RALGAPA2: variants seen among roughly 807,000 people sequenced by gnomAD.
RALGAPA2 encodes the protein ral GTPase-activating protein subunit alpha-2.
A neutral mutation model predicts 230.4 loss-of-function variants in RALGAPA2; 139 were observed. The observed-to-expected ratio is 0.60, with a 90% CI of 0.53 to 0.69. The LOEUF (loss-of-function observed/expected upper bound fraction) is 0.69, where lower values mean the gene tolerates loss of function less well. RALGAPA2 is among the 30% of genes least tolerant of loss of function. The probability of loss-of-function intolerance (pLI) is 0.00; values close to 1 mark genes in which losing one functional copy is unlikely to be tolerated. For synonymous variants in RALGAPA2, 847 were observed against 837.8 expected (o/e 1.01, Z -0.19); for missense variants, 2,163 against 2,276.0 (o/e 0.95, Z 1.01).
intron 38 of RALGAPA2, among the ~76,000 whole-genome samples, chr20:20,409,304 G>C (rs2060013204): frequency 6.6e-6 from 1 of 152,186 alleles, no homozygotes; most frequent in African/African-American, 2.4e-5. Flanking sequence ...GCTGCTTTCT[G>C]GCTTGCTGCT....
intron 13 of RALGAPA2, among the ~76,000 whole-genome samples, chr20:20,615,119 G>A (rs1379541779): frequency 6.6e-6 from 1 of 151,968 alleles, no homozygotes. Context: ...GTCTGTTGCT[G>A]AGCATCAGTG....
chr20:20,555,279 T>A (rs1170526988), intron 23 of RALGAPA2, among the ~76,000 whole-genome samples: 1 of 152,246 alleles, frequency 6.6e-6, no homozygotes, highest in African/African-American at 2.4e-5. Context: ...TCCATTGATC[T>A]ATATGTTTAA....
chr20:20,527,518 C>A lies in RALGAPA2; in HGVS notation c.3583-1156G>T, dbSNP rs530967850. ...TGCTTGGAACACTTAATCCCCAGGT[C>A]TGCATGTGGCTTGCATTGTTATACC... On this transcript the variant is annotated intron_variant, in intron 27 of 39. Transcript: ENST00000202677. Among the ~76,000 whole-genome samples, 5 of 152,252 alleles carry A rather than the reference C, an allele frequency of 3.3e-5. No homozygotes were observed. In the East Asian group the frequency reaches 9.7e-4, roughly 29 times the overall value.
rs954374825 is a variant in RALGAPA2, at chr20:20,524,997, T to A, written c.3694-99A>T. 1.0e-5 allele frequency: 11 copies of A among 1,056,174 alleles called. No homozygotes were observed. In the African/African-American group the frequency reaches 1.8e-4, roughly 17 times the overall value. The allele number at this position is 1,056,174 out of a possible 1,614,324, so 65.4% of individuals were successfully genotyped here. On this transcript the variant is annotated intron_variant, in intron 28 of 39. Transcript: ENST00000202677. ...CGATGGCCTTGCAACTAAACCCAGC[T>A]TGGTGCCAACTCACCACAGAAAGGT... is the stretch of plus-strand genomic sequence containing the variant.
chr20:20,409,459 C>A (rs934371268), intron 38 of RALGAPA2, among the ~76,000 whole-genome samples: 13 of 152,182 alleles, frequency 8.5e-5, no homozygotes, highest in Admixed American at 8.5e-4. Context: ...AAGCCCAAGG[C>A]CCTGCTTTGA....
At chr20:20,410,859 G>A (rs2060044971) in intron 38 of RALGAPA2, among the ~76,000 whole-genome samples, 1 of 152,162 alleles carries the variant, frequency 6.6e-6, no homozygotes, top group African/African-American at 2.4e-5. Flanking sequence ...AAATCACGCT[G>A]CTCCTGCACC....
At chr20:20,572,593 A>G (rs1158513944) in intron 21 of RALGAPA2, among the ~76,000 whole-genome samples, 1 of 152,226 alleles carries the variant, frequency 6.6e-6, no homozygotes, top group Admixed American at 6.5e-5. Context: ...TGTATACAAT[A>G]CAACCAATAT....
chr20:20,523,637 A>G (rs2063110716), intron 30 of RALGAPA2, among the ~76,000 whole-genome samples: 1 of 152,216 alleles, frequency 6.6e-6, no homozygotes, highest in African/African-American at 2.4e-5. Flanking sequence ...CAGACAACCC[A>G]ATTACCCTGA....
chr20:20,417,871 G>A (rs1220517855), intron 37 of RALGAPA2, among the ~76,000 whole-genome samples: 1 of 152,220 alleles, frequency 6.6e-6, no homozygotes, highest in Non-Finnish European at 1.5e-5. Flanking sequence ...GTAAGGAGAG[G>A]TTAGAGAGTT....
At chr20:20,527,217 A>G (rs1486334228) in intron 27 of RALGAPA2, among the ~76,000 whole-genome samples, 1 of 152,172 alleles carries the variant, frequency 6.6e-6, no homozygotes, top group African/African-American at 2.4e-5. Flanking sequence ...ACCATCATCA[A>G]CTTTTAGTGC....
At chr20:20,601,902 C>A in intron 15 of RALGAPA2, 56 bp from the exon 16 acceptor site, 1 of 1,436,004 alleles carries the variant, frequency 7.0e-7, no homozygotes, top group Non-Finnish European at 9.3e-7. Flanking sequence ...ATTCATTTCA[C>A]GCTTGTGTTG....
intron 10 of RALGAPA2, among the ~76,000 whole-genome samples, chr20:20,621,817 C>G (rs184603496): frequency 5.9e-5 from 9 of 152,208 alleles, no homozygotes; most frequent in African/African-American, 2.2e-4. Context: ...GGAGAGGTTC[C>G]CCATACTCAG....
intron 37 of RALGAPA2, among the ~76,000 whole-genome samples, chr20:20,455,500 T>G (rs1365347359): frequency 6.6e-6 from 1 of 152,182 alleles, no homozygotes; most frequent in Non-Finnish European, 1.5e-5. Flanking sequence ...TCTCTGGCTG[T>G]TTAAAAAACA....
chr20:20,523,831 T>C (rs559047779), intron 30 of RALGAPA2, among the ~76,000 whole-genome samples: 1 of 152,344 alleles, frequency 6.6e-6, no homozygotes, highest in African/African-American at 2.4e-5. Flanking sequence ...CCATGAAAAT[T>C]GAAGAATTCT....
At chr20:20,473,547 A>G (rs1233645914) in intron 36 of RALGAPA2, among the ~76,000 whole-genome samples, 1 of 152,012 alleles carries the variant, frequency 6.6e-6, no homozygotes, top group East Asian at 1.9e-4. Context: ...TAGTGGCACA[A>G]TCATAGCCCA....
chr20:20,404,735 T>C (rs1225230707), intron 38 of RALGAPA2, among the ~76,000 whole-genome samples: 1 of 152,260 alleles, frequency 6.6e-6, no homozygotes, highest in African/African-American at 2.4e-5. Context: ...CCCTGAGCTG[T>C]AATTAGCAGT....
In RALGAPA2 at chr20:20,619,279, G is replaced by C; in HGVS notation, c.1537C>G (p.Gln513Glu). 6.3e-7 allele frequency: 1 copy of C among 1,596,984 alleles called. No homozygotes were observed. Among genetic ancestry groups the C allele is most frequent in the Non-Finnish European group, 8.6e-7 (1 of 1,169,466 alleles). ...NVKAGVQALL[Q>E]VFLTNSANIF... ...TCATGTCCTGGCCAGCCACATACCT[G>C]CAACAAAGCCTGGACGCCGGCTTTC... Residue 513 changes from glutamine to glutamate, a missense_variant and splice_region_variant, in exon 12 of 40, where the codon CAG (glutamine) becomes GAG (glutamate). By Grantham distance (29) the Gln-to-Glu change is conservative (BLOSUM62 2). Coordinates refer to ENST00000202677, the MANE Select transcript of RALGAPA2 (RefSeq NM_020343.4).
At chr20:20,519,261 TC>T (rs1395118146) in intron 31 of RALGAPA2, among the ~76,000 whole-genome samples, 2 of 152,226 alleles carry the variant, frequency 1.3e-5, no homozygotes, top group Non-Finnish European at 2.9e-5. Flanking sequence ...GCAGCTAAAA[TC>T]AGGACTGCTA....
At chr20:20,417,604 A>G (rs1398132914) in intron 37 of RALGAPA2, among the ~76,000 whole-genome samples, 4 of 152,184 alleles carry the variant, frequency 2.6e-5, no homozygotes, top group African/African-American at 9.7e-5. Flanking sequence ...GTTAACATTC[A>G]CAGGTTCCAG....
Sources: gnomAD v4.1 joint callset for allele counts (sites outside exome capture counted in the v4.1 genomes callset) on GRCh38, gnomAD v4.1.1 for gene constraint, MANE v1.5 for transcripts, NCBI Gene and HGNC (gene_info 2026-07-23, HGNC 2026-07-21) for gene names.